Variants in AJAP1 observed in about 807,000 individuals in gnomAD.
The protein encoded by AJAP1 is adherens junctions associated protein 1, also known as adherens junction-associated protein 1.
In AJAP1, 5 loss-of-function variants were observed where a neutral mutation model predicts 35.0. The ratio of observed to expected loss-of-function variants is 0.14; its 90% CI spans 0.07 to 0.30. AJAP1 has a LOEUF of 0.30. Ranked by LOEUF, AJAP1 falls within the 10% of genes least tolerant of loss-of-function variation. The pLI is 1.00. For missense variants in AJAP1, 586 were observed against 571.0 expected, an observed-to-expected ratio of 1.03 and a Z score of -0.27; for synonymous variants, 284 against 249.3, an observed-to-expected ratio of 1.14 and a Z score of -1.31.
rs571494269 is a variant in AJAP1, at chr1:4,675,827, C to A, written c.29+20373C>A. Reference sequence around the variant, plus strand: ...ATGGTGTAGCCCAGGCCAGTTAAACCTGCCCTGAAGATGGTGTGGGCGGAA... The same window carrying A: ...ATGGTGTAGCCCAGGCCAGTTAAACATGCCCTGAAGATGGTGTGGGCGGAA... On this transcript the variant is annotated intron_variant, in intron 1 of 5. Coordinates refer to ENST00000378191, the MANE Select transcript of AJAP1 (RefSeq NM_018836.4). 4.6e-5 allele frequency among the ~76,000 whole-genome samples: 7 copies of A among 152,364 alleles called. No individual in the cohort carries two copies. The East Asian group carries it at 7.7e-4, about 17-fold the overall frequency.
intron 2 of AJAP1, among the ~76,000 whole-genome samples, chr1:4,760,542 C>T (rs1641541960): frequency 6.6e-6 from 1 of 152,152 alleles, no homozygotes. Context: ...ATCTGACTCC[C>T]CCGCCCCTGG....
At chr1:4,751,102 C>T (rs1048515372) in intron 2 of AJAP1, among the ~76,000 whole-genome samples, 1 of 152,012 alleles carries the variant, frequency 6.6e-6, no homozygotes, top group East Asian at 1.9e-4. Flanking sequence ...CAGTGCCTCT[C>T]GCTCCCCTGG....
At chr1:4,678,031 G>T (rs908496762) in intron 1 of AJAP1, among the ~76,000 whole-genome samples, 1 of 152,204 alleles carries the variant, frequency 6.6e-6, no homozygotes, top group Non-Finnish European at 1.5e-5. Flanking sequence ...CCCCAGTGGG[G>T]TGGGTTGATG....
At chr1:4,677,998 C>T (rs2071990) in intron 1 of AJAP1, among the ~76,000 whole-genome samples, 11,594 of 152,172 alleles carry the variant, frequency 0.076, 613 homozygotes, top group East Asian at 0.22. Context: ...GCCCTGGTGC[C>T]GTCAGATGGT....
At position 4,654,695 on chromosome 1, in the gene AJAP1, C is replaced by CGCGCCTCCTCCGCGCG. The variant is rs1280246425; in HGVS notation, c.-725_-710dup. The CGCGCCTCCTCCGCGCG allele has an allele frequency of 2.0e-5, 3 of 146,398 alleles. No individual in the cohort carries two copies. Among genetic ancestry groups the CGCGCCTCCTCCGCGCG allele is most frequent in the East Asian group, 2.0e-4 (1 of 5,014 alleles). 9.1% of individuals were successfully genotyped at this position (146,398 alleles called of 1,614,324 possible). The stretch of plus-strand genomic sequence containing the variant: ...GGGCGGCGGGGCCCCGGGATCCCCG[C>CGCGCCTCCTCCGCGCG]GCGCCTCCTCCGCGCGGCGCCGCCG... On this transcript the variant is annotated 5_prime_UTR_variant, in exon 1 of 6. Coordinates refer to ENST00000378191, the MANE Select transcript of AJAP1 (RefSeq NM_018836.4). This position sits in a 1 kb window ranked among gnomAD's most constrained non-coding sequence, Gnocchi z 5.1.
intron 2 of AJAP1, among the ~76,000 whole-genome samples, chr1:4,719,561 G>A (rs929926091): frequency 2.0e-5 from 3 of 152,142 alleles, no homozygotes; most frequent in African/African-American, 7.2e-5. Flanking sequence ...GGGGCGTGTG[G>A]TGGGGCTGAG....
chr1:4,674,738 C>T (rs1486363503), intron 1 of AJAP1, among the ~76,000 whole-genome samples: 9 of 152,152 alleles, frequency 5.9e-5, no homozygotes, highest in African/African-American at 1.7e-4. Context: ...TCTGAGGGAT[C>T]GGTCGGGGCC....
At chr1:4,706,138 T>G (rs1640096188) in intron 1 of AJAP1, among the ~76,000 whole-genome samples, 1 of 152,074 alleles carries the variant, frequency 6.6e-6, no homozygotes, top group African/African-American at 2.4e-5. Flanking sequence ...AGACCCTGGG[T>G]CCTCGGGGAA....
chr1:4,672,328 A>G (rs1264538911), intron 1 of AJAP1, among the ~76,000 whole-genome samples: 2 of 152,220 alleles, frequency 1.3e-5, no homozygotes, highest in South Asian at 2.1e-4. Context: ...GAAGGGCCAC[A>G]GTCATGAATA....
intron 2 of AJAP1, among the ~76,000 whole-genome samples, chr1:4,764,717 T>C (rs1382407816): frequency 6.6e-6 from 1 of 152,232 alleles, no homozygotes; most frequent in African/African-American, 2.4e-5. Flanking sequence ...TCAGCTGTGA[T>C]ACGCACAGCA....
intron 2 of AJAP1, among the ~76,000 whole-genome samples, chr1:4,717,764 T>C (rs1640429324): frequency 6.6e-6 from 1 of 152,170 alleles, no homozygotes; most frequent in Non-Finnish European, 1.5e-5. Context: ...CTCATGATGG[T>C]GAACTATTTT....
At chr1:4,766,876 G>A (rs1011242977) in intron 2 of AJAP1, among the ~76,000 whole-genome samples, 2 of 152,046 alleles carry the variant, frequency 1.3e-5, no homozygotes, top group African/African-American at 2.4e-5. Context: ...TTGTCAGACA[G>A]GTTAAAAAAA....
At chr1:4,688,495 A>G (rs746733192) in intron 1 of AJAP1, among the ~76,000 whole-genome samples, 98 of 152,304 alleles carry the variant, frequency 6.4e-4, no homozygotes, top group Non-Finnish European at 1.1e-3. Flanking sequence ...TGATGGGGCC[A>G]GGTGCGGTGG....
chr1:4,675,611 T>G (rs956256423), intron 1 of AJAP1, among the ~76,000 whole-genome samples: 4 of 152,182 alleles, frequency 2.6e-5, no homozygotes, highest in Non-Finnish European at 4.4e-5. Context: ...CTAAATCACA[T>G]TGCTCGACTG....
At chr1:4,742,847 A>T (rs572212687) in intron 2 of AJAP1, among the ~76,000 whole-genome samples, 1 of 152,186 alleles carries the variant, frequency 6.6e-6, no homozygotes, top group Non-Finnish European at 1.5e-5. Context: ...AGGTTGCTGC[A>T]CTATGAATGG....
intron 1 of AJAP1, among the ~76,000 whole-genome samples, chr1:4,704,157 G>GA (rs1640049477): frequency 6.9e-6 from 1 of 145,294 alleles, no homozygotes; most frequent in Non-Finnish European, 1.5e-5. Flanking sequence ...AAACGGGGAA[G>GA]TTTTTTTTTT....
At chr1:4,778,599 CTCTCTCTCTCTCTCT>C (rs1641985043) in intron 5 of AJAP1, among the ~76,000 whole-genome samples, 1 of 150,540 alleles carries the variant, frequency 6.6e-6, no homozygotes, top group Non-Finnish European at 1.5e-5. Context: ...CTCTCTCTCT[CTCTCTCTCTCTCTCT>C]TCTCTCTGTC....
chr1:4,658,920 G>A (rs78272719), intron 1 of AJAP1, among the ~76,000 whole-genome samples: 19,848 of 151,986 alleles, frequency 0.13, 1,798 homozygotes, highest in Non-Finnish European at 0.2. Context: ...TTTCTAGCGG[G>A]GGTCGCTGGA....
At chr1:4,713,382 C>T (rs765704602) in intron 2 of AJAP1, among the ~76,000 whole-genome samples, 29 of 152,234 alleles carry the variant, frequency 1.9e-4, no homozygotes, top group Non-Finnish European at 3.5e-4. Flanking sequence ...GGCTTTGGTT[C>T]TTCTGCTGCT....
Sources: allele counts gnomAD v4.1 joint callset (sites outside exome capture counted in the v4.1 genomes callset), GRCh38; gene constraint gnomAD v4.1.1; non-coding constraint Gnocchi (gnomAD v3.1); transcripts MANE v1.5; gene names NCBI Gene and HGNC (gene_info 2026-07-23, HGNC 2026-07-21).